The following STK32B variants were observed in gnomAD, a reference collection of about 807,000 sequenced individuals.
STK32B encodes the protein serine/threonine-protein kinase 32B.
In STK32B, 43 loss-of-function variants were observed where a neutral mutation model predicts 52.6. The observed-to-expected ratio is 0.82, with a 90% CI of 0.64 to 1.05. The LOEUF (loss-of-function observed/expected upper bound fraction) is 1.05. Among genes scored for constraint, STK32B ranks in the 50% least tolerant of loss-of-function variants. The pLI is 0.00. For synonymous variants in STK32B, 238 were observed against 204.3 expected (o/e 1.17, Z -1.41); for missense variants, 621 against 534.6 (o/e 1.16, Z -1.59).
the STK32B span, among the ~76,000 whole-genome samples, chr4:5,029,974 C>A: frequency 6.6e-6 from 1 of 152,126 alleles, no homozygotes; most frequent in African/African-American, 2.4e-5. Flanking sequence ...ATAAGGGGCT[C>A]TTCCCGCTTT....
At chr4:5,165,285 C>G (rs1157202015) in intron 2 of STK32B, among the ~76,000 whole-genome samples, 2 of 152,190 alleles carry the variant, frequency 1.3e-5, no homozygotes, top group Non-Finnish European at 2.9e-5. Context: ...CAACCGCCTG[C>G]TTTTGCTTGT....
At chr4:5,421,092 T>TTTTTGTTTTTGTTTTGTTTTGTTTTG (rs1366394900) in intron 6 of STK32B, among the ~76,000 whole-genome samples, 2 of 138,398 alleles carry the variant, frequency 1.4e-5, no homozygotes, top group Admixed American at 7.3e-5. Flanking sequence ...TTTGTTTTTG[T>TTTTTGTTTTTGTTTTGTTTTGTTTTG]TTTTGTTTTT....
intron 6 of STK32B, among the ~76,000 whole-genome samples, chr4:5,428,843 TATAATGTCATTCTTA>T (rs1333256483): frequency 2.0e-5 from 3 of 152,224 alleles, no homozygotes; most frequent in Non-Finnish European, 4.4e-5. Flanking sequence ...TTTATCATTA[TATAATGTCATTCTTA>T]TTCCTTGTTC....
chr4:5,166,204 T>C (rs1176396379), intron 2 of STK32B, among the ~76,000 whole-genome samples: 1 of 151,996 alleles, frequency 6.6e-6, no homozygotes, highest in Non-Finnish European at 1.5e-5. Flanking sequence ...AACAGCGTTA[T>C]TGCCGGCGTG....
intron 2 of STK32B, among the ~76,000 whole-genome samples, chr4:5,152,636 G>C (rs1360839762): frequency 6.6e-6 from 1 of 152,256 alleles, no homozygotes; most frequent in African/African-American, 2.4e-5. Flanking sequence ...TAGATGAAAA[G>C]CTAATGCGTG....
At chr4:5,177,385 C>T (rs1180608701) in intron 3 of STK32B, among the ~76,000 whole-genome samples, 1 of 152,160 alleles carries the variant, frequency 6.6e-6, no homozygotes, top group Non-Finnish European at 1.5e-5. Context: ...ATTTAATTGC[C>T]TCCCACTAGG....
At chr4:5,457,560 A>C (rs963471159) in intron 8 of STK32B, among the ~76,000 whole-genome samples, 4 of 150,646 alleles carry the variant, frequency 2.7e-5, no homozygotes, top group African/African-American at 9.8e-5. Context: ...TTTTCACTCA[A>C]TGACCTTTAA....
intron 11 of STK32B, among the ~76,000 whole-genome samples, chr4:5,478,858 G>A (rs1258010680): frequency 6.6e-6 from 1 of 152,140 alleles, no homozygotes; most frequent in Non-Finnish European, 1.5e-5. Context: ...GTGCAGGGAG[G>A]AAGCTAGGGA....
At chr4:5,481,887 A>G (rs967915482) in intron 11 of STK32B, among the ~76,000 whole-genome samples, 6 of 152,126 alleles carry the variant, frequency 3.9e-5, no homozygotes, top group African/African-American at 1.4e-4. Flanking sequence ...CAAAGATCCG[A>G]TGGTTGTAGA....
chr4:5,075,940 T>G (rs1256272933), intron 1 of STK32B, among the ~76,000 whole-genome samples: 1 of 152,188 alleles, frequency 6.6e-6, no homozygotes, highest in African/African-American at 2.4e-5. Flanking sequence ...CAGCCCAAAA[T>G]TCAGTAGCAT....
rs199646927 is a variant in STK32B at position 5,168,419 on chromosome 4, G to A, written c.229G>A (p.Gly77Arg). 3 of 1,613,868 alleles carry A rather than the reference G, an allele frequency of 1.9e-6. No individual in the cohort carries two copies. Among genetic ancestry groups the A allele is most frequent in the Admixed American group, 3.3e-5 (2 of 60,002 alleles). ...TTTCCGGGAGCTGCAGATCATGCAA[G>A]GGCTGGAGCACCCCTTCCTGGTCAA... ...NVFRELQIMQ[G>R]LEHPFLVNLW... The change falls in exon 3 of 12, where the codon GGG becomes AGG. Residue 77 changes from glycine (G) to arginine (R), a missense_variant. Coordinates refer to ENST00000282908, the MANE Select transcript of STK32B (RefSeq NM_018401.3).
At chr4:5,137,773 G>C (rs573152817) in intron 1 of STK32B, among the ~76,000 whole-genome samples, 11 of 152,210 alleles carry the variant, frequency 7.2e-5, no homozygotes, top group Non-Finnish European at 1.5e-4. Flanking sequence ...GGAAAAAAAT[G>C]GTTAGTTGGG....
rs148522454 is a variant in STK32B at position 5,499,506 on chromosome 4, C to T, written c.*423C>T. 8 of 159,582 alleles carry T rather than the reference C, an allele frequency of 5.0e-5. No individual in the cohort carries two copies. The highest frequency in any genetic ancestry group is 3.2e-4 in the Admixed American group (5 of 15,472). The allele number at this position is 159,582 out of a possible 1,614,324, so 9.9% of individuals were successfully genotyped here. A position where few individuals can be genotyped will look rare whatever the true frequency, so the allele number is the denominator to read the frequency against. ...GACTTTGCAATTTGGCACATCCTAGCTTGTTAGAGGGCACTTCCGAAAAAC... is the reference window on the plus strand; with the variant it reads ...GACTTTGCAATTTGGCACATCCTAGTTTGTTAGAGGGCACTTCCGAAAAAC... On this transcript the variant is annotated 3_prime_UTR_variant, in exon 12 of 12. Coordinates refer to ENST00000282908, the MANE Select transcript of STK32B (RefSeq NM_018401.3).
the STK32B span, among the ~76,000 whole-genome samples, chr4:5,038,190 T>C: frequency 2.6e-5 from 4 of 152,188 alleles, no homozygotes; most frequent in Non-Finnish European, 5.9e-5. Context: ...TTAAAACCAT[T>C]CAGCTGTTCA....
intron 3 of STK32B, among the ~76,000 whole-genome samples, chr4:5,214,598 GCACTACACACA>G (rs1205870986): frequency 1.3e-5 from 2 of 152,208 alleles, no homozygotes; most frequent in Admixed American, 1.3e-4. Context: ...GTCCAACCCT[GCACTACACACA>G]CACTATCTTA....
chr4:5,173,144 T>A (rs1719530465), intron 3 of STK32B, among the ~76,000 whole-genome samples: 1 of 152,236 alleles, frequency 6.6e-6, no homozygotes, highest in African/African-American at 2.4e-5. Flanking sequence ...TTCTGTGGGA[T>A]CGGTGGTGAT....
chr4:5,152,867 A>G (rs532218940), intron 2 of STK32B, among the ~76,000 whole-genome samples: 1 of 152,202 alleles, frequency 6.6e-6, no homozygotes, highest in South Asian at 2.1e-4. Context: ...AGAAACTAAC[A>G]TTGTTTTCTG....
intron 3 of STK32B, among the ~76,000 whole-genome samples, chr4:5,193,985 G>T (rs1320534965): frequency 6.6e-6 from 1 of 152,152 alleles, no homozygotes. Flanking sequence ...CTCAGGCTTG[G>T]CTTTGCACAT....
intron 6 of STK32B, among the ~76,000 whole-genome samples, chr4:5,446,184 T>G (rs1207179217): frequency 1.3e-5 from 2 of 152,234 alleles, no homozygotes; most frequent in East Asian, 1.9e-4. Context: ...CTGTGATGCC[T>G]GTAACTTGTT....
Sources: allele counts gnomAD v4.1 joint callset (sites outside exome capture counted in the v4.1 genomes callset), GRCh38; gene constraint gnomAD v4.1.1; transcripts MANE v1.5; gene names NCBI Gene and HGNC (gene_info 2026-07-23, HGNC 2026-07-21).